The following CPXM2 variants were observed in gnomAD, a reference collection of about 807,000 sequenced individuals.
CPXM2 encodes inactive carboxypeptidase-like protein X2.
In CPXM2, 66 loss-of-function variants were observed where a neutral mutation model predicts 86.1. The ratio of observed to expected loss-of-function variants is 0.77; its 90% CI spans 0.63 to 0.94. The LOEUF (loss-of-function observed/expected upper bound fraction) is 0.94. Among genes scored for constraint, CPXM2 ranks in the 40% least tolerant of loss-of-function variants. The pLI, the probability that CPXM2 is intolerant of heterozygous loss-of-function variation, is 0.00. For missense variants in CPXM2, 948 were observed against 1,026.3 expected (o/e 0.92, Z 1.04); for synonymous variants, 388 against 400.2 (o/e 0.97, Z 0.36).
chr10:123,833,127 A>G (rs548208743), intron 4 of CPXM2, among the ~76,000 whole-genome samples: 15 of 152,318 alleles, frequency 9.8e-5, no homozygotes, highest in African/African-American at 3.6e-4. Context: ...TATTTTTGTT[A>G]TAGCATCATG....
intron 3 of CPXM2, among the ~76,000 whole-genome samples, chr10:123,844,296 C>G (rs374924801): frequency 1.7e-3 from 263 of 151,860 alleles, no homozygotes; most frequent in African/African-American, 6.0e-3. Flanking sequence ...GAAATTTCAA[C>G]TAAAAGTTGG....
chr10:123,893,631 C>T (rs1269122493), upstream of CPXM2, among the ~76,000 whole-genome samples: 1 of 152,072 alleles, frequency 6.6e-6, no homozygotes, highest in African/African-American at 2.4e-5. Flanking sequence ...CCTTCCCCAC[C>T]CACCACTCTT....
intron 4 of CPXM2, among the ~76,000 whole-genome samples, chr10:123,808,603 G>A (rs955893471): frequency 1.3e-5 from 2 of 152,148 alleles, no homozygotes; most frequent in African/African-American, 4.8e-5. Flanking sequence ...CCTAACAGAA[G>A]CACACATGAA....
At chr10:123,919,262 C>T (rs1034532922) in intron 2 of CPXM2, among the ~76,000 whole-genome samples, 1 of 152,188 alleles carries the variant, frequency 6.6e-6, no homozygotes, top group Non-Finnish European at 1.5e-5. Context: ...TGCACAGGGA[C>T]TTGTGGTCCA....
chr10:123,795,583 G>C (rs1847318520), intron 6 of CPXM2, among the ~76,000 whole-genome samples: 1 of 152,142 alleles, frequency 6.6e-6, no homozygotes, highest in Non-Finnish European at 1.5e-5. Context: ...CTAGCACCGG[G>C]GTGATAAGCA....
intron 3 of CPXM2, among the ~76,000 whole-genome samples, chr10:123,849,899 T>C (rs1277023032): frequency 6.6e-6 from 1 of 152,210 alleles, no homozygotes; most frequent in African/African-American, 2.4e-5. Flanking sequence ...ATGTAGACCA[T>C]GAGCACCATG....
At chr10:123,759,252 C>T (rs1564752607) in intron 11 of CPXM2, among the ~76,000 whole-genome samples, 1 of 152,202 alleles carries the variant, frequency 6.6e-6, no homozygotes, top group Non-Finnish European at 1.5e-5. Flanking sequence ...GGGCAACAAA[C>T]CACCAGGGAG....
intron 2 of CPXM2, among the ~76,000 whole-genome samples, chr10:123,863,404 G>C (rs928046177): frequency 5.3e-5 from 8 of 152,198 alleles, no homozygotes; most frequent in African/African-American, 1.9e-4. Flanking sequence ...GCCACATGAT[G>C]AACCGGGGGT....
intron 4 of CPXM2, among the ~76,000 whole-genome samples, chr10:123,799,958 T>G (rs892825540): frequency 1.3e-5 from 2 of 152,018 alleles, no homozygotes; most frequent in African/African-American, 4.8e-5. Flanking sequence ...TATAGGAAAG[T>G]CTTCCTGAGT....
At chr10:123,775,277 G>A (rs772122343) in intron 7 of CPXM2, among the ~76,000 whole-genome samples, 2 of 152,222 alleles carry the variant, frequency 1.3e-5, no homozygotes, top group Non-Finnish European at 2.9e-5. Context: ...CGTCCCTGCT[G>A]ATGCAGTCAT....
intron 4 of CPXM2, among the ~76,000 whole-genome samples, chr10:123,815,680 T>G (rs2134101341): frequency 6.6e-6 from 1 of 152,302 alleles, no homozygotes; most frequent in East Asian, 1.9e-4. Context: ...GTGATGTTGA[T>G]TCTCCTCAGG....
At chr10:123,803,279 G>T (rs2134077694) in intron 4 of CPXM2, among the ~76,000 whole-genome samples, 1 of 151,304 alleles carries the variant, frequency 6.6e-6, no homozygotes, top group East Asian at 2.0e-4. Flanking sequence ...TTTGTATTTT[G>T]TTTGTTTGTT....
intron 10 of CPXM2, among the ~76,000 whole-genome samples, chr10:123,766,751 C>T (rs1846484148): frequency 6.6e-6 from 1 of 152,162 alleles, no homozygotes; most frequent in Admixed American, 6.5e-5. Flanking sequence ...GCTCCATGTG[C>T]TTGTTAAGAA....
At chr10:123,914,173 A>G (rs752016432) in intron 2 of CPXM2, 132 of 438,572 alleles carry the variant, frequency 3.0e-4, no homozygotes, top group Non-Finnish European at 6.4e-5. Context: ...AGCTCTTGCC[A>G]AGGTCATCCG....
At chr10:123,794,993 C>A (rs1590008899) in intron 6 of CPXM2, among the ~76,000 whole-genome samples, 1 of 152,162 alleles carries the variant, frequency 6.6e-6, no homozygotes, top group Non-Finnish European at 1.5e-5. Flanking sequence ...TGGTCTCGAA[C>A]TCCTGACCTC....
At chr10:123,848,354 C>G (rs549399079) in intron 3 of CPXM2, among the ~76,000 whole-genome samples, 1 of 152,186 alleles carries the variant, frequency 6.6e-6, no homozygotes, top group South Asian at 2.1e-4. Flanking sequence ...CCTTAATCAT[C>G]GGTAAAGTAG....
intron 1 of CPXM2, among the ~76,000 whole-genome samples, chr10:123,881,470 A>C (rs905451198): frequency 2.6e-5 from 4 of 151,918 alleles, no homozygotes; most frequent in Non-Finnish European, 5.9e-5. Context: ...AAGGAAGGGA[A>C]GCAGGATGGG....
At chr10:123,786,513 G>C (rs1847060061) in intron 6 of CPXM2, among the ~76,000 whole-genome samples, 1 of 152,168 alleles carries the variant, frequency 6.6e-6, no homozygotes, top group African/African-American at 2.4e-5. Context: ...AGGACCCTAT[G>C]CACATCCACA....
intron 4 of CPXM2, among the ~76,000 whole-genome samples, chr10:123,833,786 T>A (rs1181251101): frequency 6.6e-6 from 1 of 152,112 alleles, no homozygotes; most frequent in Admixed American, 6.5e-5. Flanking sequence ...GAACCGAGGA[T>A]GTGGTCCGAG....
Sources: gnomAD v4.1 joint callset for allele counts (sites outside exome capture counted in the v4.1 genomes callset) on GRCh38, gnomAD v4.1.1 for gene constraint, MANE v1.5 for transcripts, NCBI Gene and HGNC (gene_info 2026-07-23, HGNC 2026-07-21) for gene names.